Variants in SLC4A4 observed in about 807,000 individuals in gnomAD.
SLC4A4 encodes the protein solute carrier family 4 member 4.
A neutral mutation model predicts 111.5 loss-of-function variants in SLC4A4; 27 were observed. The observed-to-expected ratio is 0.24, with a 90% CI of 0.18 to 0.33. SLC4A4 has a LOEUF of 0.33. Among genes scored for constraint, SLC4A4 ranks in the 10% least tolerant of loss-of-function variants. The pLI, the probability that SLC4A4 is intolerant of heterozygous loss-of-function variation, is 1.00. For synonymous variants in SLC4A4, 443 were observed against 463.4 expected (o/e 0.96, Z 0.57); for missense variants, 909 against 1,315.5 (o/e 0.69, Z 4.78).
rs74487892 is a variant in SLC4A4, at chr4:71,136,020, T to C, written c.-2+43228T>C. 6.5e-3 allele frequency among the ~76,000 whole-genome samples: 996 copies of C among 152,326 alleles called. 13 individuals are homozygous for C. Among genetic ancestry groups the C allele is most frequent in the African/African-American group, 0.023 (949 of 41,572 alleles). On this transcript the variant is annotated intron_variant, in intron 2 of 26. Transcript: ENST00000649996. ...TCTGAACTTCTCTCCTAGAGGTTCA[T>C]AGTGCTGCAGAGACAGAAGAACCAT...
At chr4:71,441,975 C>T (rs1368158699) in intron 8 of SLC4A4, among the ~76,000 whole-genome samples, 4 of 152,164 alleles carry the variant, frequency 2.6e-5, no homozygotes, top group East Asian at 1.9e-4. Flanking sequence ...TCTATCTGTG[C>T]AGTCACCTGG....
At chr4:71,099,061 A>G (rs542132017) in intron 2 of SLC4A4, among the ~76,000 whole-genome samples, 2 of 152,280 alleles carry the variant, frequency 1.3e-5, no homozygotes, top group South Asian at 4.2e-4. Context: ...GACGCAGAAC[A>G]TTAACAAAAA....
At chr4:71,269,198 T>C (rs991958203) in intron 3 of SLC4A4, among the ~76,000 whole-genome samples, 2 of 152,244 alleles carry the variant, frequency 1.3e-5, no homozygotes, top group African/African-American at 4.8e-5. Context: ...ATTCCATTAT[T>C]CATTTCTCCA....
chr4:71,536,465 C>CATATATACATATATATATAT (rs1491113972), intron 18 of SLC4A4, among the ~76,000 whole-genome samples: 2 of 40,706 alleles, frequency 4.9e-5, no homozygotes, highest in Admixed American at 7.2e-4. Flanking sequence ...TACATATATA[C>CATATATACATATATATATAT]ATATATATAT....
chr4:71,365,100 A>G (rs1001934003), intron 6 of SLC4A4, among the ~76,000 whole-genome samples: 1 of 152,240 alleles, frequency 6.6e-6, no homozygotes, highest in African/African-American at 2.4e-5. Context: ...GTGTACAGCA[A>G]GATGTTACCA....
At chr4:71,282,074 C>T (rs1258587270) in intron 3 of SLC4A4, among the ~76,000 whole-genome samples, 1 of 150,868 alleles carries the variant, frequency 6.6e-6, no homozygotes, top group Non-Finnish European at 1.5e-5. Flanking sequence ...TTAGTGAACC[C>T]TGTTAAAAAA....
chr4:71,296,692 T>A (rs1724820802), intron 3 of SLC4A4, among the ~76,000 whole-genome samples: 1 of 152,218 alleles, frequency 6.6e-6, no homozygotes, highest in African/African-American at 2.4e-5. Flanking sequence ...AGTGGTTAAC[T>A]TATGTGTGTT....
chr4:71,078,220 C>T (rs1578456487), intron 1 of SLC4A4, among the ~76,000 whole-genome samples: 1 of 152,124 alleles, frequency 6.6e-6, no homozygotes, highest in Admixed American at 6.5e-5. Flanking sequence ...AGCATTCATT[C>T]ATTCATTCAT....
chr4:71,080,865 A>G (rs1456240351), intron 1 of SLC4A4, among the ~76,000 whole-genome samples: 1 of 152,060 alleles, frequency 6.6e-6, no homozygotes, highest in Non-Finnish European at 1.5e-5. Context: ...CATTTAAAAC[A>G]GGCTCAGGTA....
chr4:71,466,979 G>GAGAGAGAT, intron 13 of SLC4A4, among the ~76,000 whole-genome samples: 1 of 145,820 alleles, frequency 6.9e-6, no homozygotes, highest in Non-Finnish European at 1.5e-5. Context: ...GAGAGAGAGA[G>GAGAGAGAT]GTCTGAGTAT....
chr4:71,552,464 T>A (rs1736089831), intron 20 of SLC4A4, among the ~76,000 whole-genome samples: 1 of 151,818 alleles, frequency 6.6e-6, no homozygotes, highest in Non-Finnish European at 1.5e-5. Context: ...CACTCTACCC[T>A]TATTTTTAAA....
At chr4:71,229,022 A>G (rs1719229378) in intron 1 of SLC4A4, among the ~76,000 whole-genome samples, 2 of 152,210 alleles carry the variant, frequency 1.3e-5, no homozygotes, top group South Asian at 4.1e-4. Context: ...GAATAGAGCC[A>G]ACCACAGGGG....
intron 7 of SLC4A4, among the ~76,000 whole-genome samples, chr4:71,424,501 A>G (rs1241968103): frequency 6.6e-6 from 1 of 152,048 alleles, no homozygotes; most frequent in Non-Finnish European, 1.5e-5. Flanking sequence ...GTATATACCC[A>G]AAGGACTATA....
At chr4:71,511,447 AT>A (rs896508361) in intron 16 of SLC4A4, among the ~76,000 whole-genome samples, 4 of 151,438 alleles carry the variant, frequency 2.6e-5, no homozygotes, top group African/African-American at 7.3e-5. Flanking sequence ...TTTATTTTTC[AT>A]TTTTTAAGGT....
rs1015383182 is a variant in SLC4A4 at position 71,569,393 on chromosome 4, CA to C, written c.*1645del. 51 of 151,510 alleles carry C rather than the reference CA, an allele frequency of 3.4e-4. No homozygotes were observed. Among genetic ancestry groups the C allele is most frequent in the African/African-American group, 1.1e-3 (47 of 41,378 alleles). The allele number at this position is 151,510 out of a possible 1,614,324, so 9.4% of individuals were successfully genotyped here. ...CTCTCATGCAATTTTTTTCAGGATG[CA>C]AAGGCAATTATTCTTTGTAAGCGGG... is the stretch of plus-strand genomic sequence containing the variant. On this transcript the variant is annotated 3_prime_UTR_variant, in exon 26 of 26. Transcript: ENST00000264485.
intron 2 of SLC4A4, among the ~76,000 whole-genome samples, chr4:71,176,248 T>C (rs1745091465): frequency 6.6e-6 from 1 of 152,044 alleles, no homozygotes. Flanking sequence ...ACAGAAACAC[T>C]GGAAACTCTA....
rs1204737942 is a variant in SLC4A4 at position 71,444,536 on chromosome 4, G to C, written c.966-3110G>C. Among the ~76,000 whole-genome samples, 5 of 152,020 alleles carry C rather than the reference G, an allele frequency of 3.3e-5. No individual in the cohort carries two copies. The South Asian group carries it at 6.2e-4, about 19-fold the overall frequency. On this transcript the variant is annotated intron_variant, in intron 8 of 25. Coordinates refer to ENST00000264485, the MANE Select transcript of SLC4A4 (RefSeq NM_001098484.3). ...ACAAATGTGATGTTTACTCTAATTT[G>C]TTAATAGAGAAAAAAGCTTCTGGAT...
At chr4:71,509,329 T>C (rs1731701085) in intron 16 of SLC4A4, among the ~76,000 whole-genome samples, 1 of 152,190 alleles carries the variant, frequency 6.6e-6, no homozygotes, top group African/African-American at 2.4e-5. Context: ...TTTATATTTC[T>C]TGTGTCTCTA....
chr4:71,318,216 A>G (rs1400128055), intron 3 of SLC4A4, among the ~76,000 whole-genome samples: 2 of 152,048 alleles, frequency 1.3e-5, no homozygotes, highest in African/African-American at 4.8e-5. Context: ...TATTGTTCTC[A>G]AAGTCTTTGC....
Sources: allele counts gnomAD v4.1 joint callset (sites outside exome capture counted in the v4.1 genomes callset), GRCh38; gene constraint gnomAD v4.1.1; transcripts MANE v1.5; gene names NCBI Gene and HGNC (gene_info 2026-07-23, HGNC 2026-07-21).